The following ATP8A2 variants were observed in gnomAD, a reference collection of about 807,000 sequenced individuals.
ATP8A2 encodes the protein phospholipid-transporting ATPase IB.
Under a neutral mutation model 165.6 loss-of-function variants are expected in ATP8A2, and 100 were observed. The ratio of observed to expected loss-of-function variants is 0.60; its 90% CI spans 0.51 to 0.71. The LOEUF is 0.71. ATP8A2 is among the 30% of genes least tolerant of loss of function. The pLI, the probability that ATP8A2 is intolerant of heterozygous loss-of-function variation, is 0.00. For synonymous variants in ATP8A2, 543 were observed against 548.8 expected, an observed-to-expected ratio of 0.99 and a Z score of 0.15; for missense variants, 1,227 against 1,479.5, an observed-to-expected ratio of 0.83 and a Z score of 2.80.
At chr13:25,756,762 A>AATGGT (rs2138223734) in intron 25 of ATP8A2, among the ~76,000 whole-genome samples, 1 of 152,374 alleles carries the variant, frequency 6.6e-6, no homozygotes, top group East Asian at 1.9e-4. Flanking sequence ...CTGATGATCA[A>AATGGT]ATGGTATGTG....
At chr13:25,905,531 G>A (rs764070991) in intron 33 of ATP8A2, among the ~76,000 whole-genome samples, 4 of 152,224 alleles carry the variant, frequency 2.6e-5, no homozygotes, top group South Asian at 2.1e-4. Context: ...TGCTATCCCT[G>A]TGCTCCCTCC....
intron 1 of ATP8A2, among the ~76,000 whole-genome samples, chr13:25,452,646 C>T (rs531304086): frequency 9.5e-4 from 144 of 152,076 alleles, no homozygotes; most frequent in African/African-American, 1.5e-3. Context: ...ATTTCTGGGA[C>T]GATCTCAAAT....
chr13:25,634,538 C>G (rs1265012353), intron 24 of ATP8A2, among the ~76,000 whole-genome samples: 2 of 152,022 alleles, frequency 1.3e-5, no homozygotes, highest in African/African-American at 4.8e-5. Flanking sequence ...TGTCTTAAGC[C>G]TTTTAAATTA....
intron 25 of ATP8A2, among the ~76,000 whole-genome samples, chr13:25,742,425 G>A (rs1302275797): frequency 6.6e-6 from 1 of 151,896 alleles, no homozygotes; most frequent in East Asian, 1.9e-4. Flanking sequence ...CAACAAATGA[G>A]GGGTACACAT....
intron 25 of ATP8A2, among the ~76,000 whole-genome samples, chr13:25,712,336 T>C (rs2043174519): frequency 6.6e-6 from 1 of 151,090 alleles, no homozygotes; most frequent in African/African-American, 2.5e-5. Flanking sequence ...TGGAGGTGGC[T>C]TATGTCAGTT....
At chr13:25,458,779 G>C (rs947558149) in intron 1 of ATP8A2, among the ~76,000 whole-genome samples, 1 of 152,198 alleles carries the variant, frequency 6.6e-6, no homozygotes, top group African/African-American at 2.4e-5. Flanking sequence ...GCAACAGGGA[G>C]GTCCCGTTTT....
At chr13:25,961,763 T>C (rs541347420) in intron 34 of ATP8A2, 100 bp downstream of exon 34, 209 of 960,034 alleles carry the variant, frequency 2.2e-4, no homozygotes, top group Non-Finnish European at 3.2e-4. Context: ...ATGACAGGAA[T>C]TCGGAAGAAA....
chr13:25,985,892 A>T (rs953787185), intron 35 of ATP8A2, among the ~76,000 whole-genome samples: 1 of 152,358 alleles, frequency 6.6e-6, no homozygotes, highest in Admixed American at 6.5e-5. Context: ...CACTGTGACT[A>T]TCCATGCTCT....
intron 25 of ATP8A2, among the ~76,000 whole-genome samples, chr13:25,735,541 G>C (rs1414245955): frequency 1.3e-5 from 2 of 151,766 alleles, no homozygotes; most frequent in Admixed American, 1.3e-4. Context: ...GATTATAGGC[G>C]TGAACCTCCA....
intron 25 of ATP8A2, among the ~76,000 whole-genome samples, chr13:25,756,327 CTT>C (rs11379467): frequency 1.7e-4 from 23 of 137,116 alleles, no homozygotes; most frequent in African/African-American, 2.2e-4. Context: ...CTGTTGGATT[CTT>C]TTTTTTTTTT....
intron 24 of ATP8A2, among the ~76,000 whole-genome samples, chr13:25,632,549 A>C (rs2041267516): frequency 6.6e-6 from 1 of 152,168 alleles, no homozygotes. Context: ...TACATATTTC[A>C]CAATATCACA....
intron 10 of ATP8A2, among the ~76,000 whole-genome samples, chr13:25,546,922 G>A (rs545405413): frequency 2.6e-5 from 4 of 152,200 alleles, no homozygotes; most frequent in Admixed American, 2.6e-4. Flanking sequence ...TTGAGGTCAG[G>A]AGTTCGAGAC....
chr13:25,891,703 G>A (rs1357720352), intron 33 of ATP8A2, among the ~76,000 whole-genome samples: 1 of 152,058 alleles, frequency 6.6e-6, no homozygotes, highest in Non-Finnish European at 1.5e-5. Context: ...TGTGAGGTGG[G>A]TTCTGACTGA....
At chr13:25,433,977 T>A (rs542580336) in intron 1 of ATP8A2, among the ~76,000 whole-genome samples, 1 of 151,926 alleles carries the variant, frequency 6.6e-6, no homozygotes, top group Non-Finnish European at 1.5e-5. Context: ...TCCAAAAGAG[T>A]GGGAGTGCTG....
chr13:25,988,891 T>C (rs1025674248), intron 35 of ATP8A2, among the ~76,000 whole-genome samples: 5 of 152,162 alleles, frequency 3.3e-5, no homozygotes, highest in African/African-American at 1.2e-4. Flanking sequence ...AGGGAGTTAT[T>C]ATATTCTCCA....
At chr13:25,825,986 G>A (rs1313803015) in intron 27 of ATP8A2, among the ~76,000 whole-genome samples, 1 of 152,104 alleles carries the variant, frequency 6.6e-6, no homozygotes, top group Non-Finnish European at 1.5e-5. Context: ...ACAAAGTCTC[G>A]GACAGGAGGA....
At chr13:25,566,162 AC>A (rs2039307332) in intron 16 of ATP8A2, among the ~76,000 whole-genome samples, 1 of 151,958 alleles carries the variant, frequency 6.6e-6, no homozygotes, top group South Asian at 2.1e-4. Context: ...AGGCTCGCAC[AC>A]CCACAGGCTG....
chr13:25,714,008 G>A (rs1302491140), intron 25 of ATP8A2, among the ~76,000 whole-genome samples: 4 of 152,082 alleles, frequency 2.6e-5, no homozygotes, highest in African/African-American at 4.8e-5. Context: ...AAATTTATTA[G>A]CTTCTCTAAT....
chr13:25,742,681 C>CTTTTT (rs11395602), intron 25 of ATP8A2, among the ~76,000 whole-genome samples: 1 of 130,704 alleles, frequency 7.7e-6, no homozygotes, highest in Non-Finnish European at 1.6e-5. Flanking sequence ...CTCTCTCTGT[C>CTTTTT]TTTTTTTTTT....
Sources: gnomAD v4.1 joint callset for allele counts (sites outside exome capture counted in the v4.1 genomes callset) on GRCh38, gnomAD v4.1.1 for gene constraint, MANE v1.5 for transcripts, NCBI Gene and HGNC (gene_info 2026-07-23, HGNC 2026-07-21) for gene names.